LCTL: variants seen among roughly 807,000 people sequenced by gnomAD.
LCTL encodes lactase like.
A neutral mutation model predicts 75.8 loss-of-function variants in LCTL; 76 were observed. The observed-to-expected ratio is 1.00, with a 90% confidence interval of 0.83 to 1.21. The LOEUF (loss-of-function observed/expected upper bound fraction) is 1.21, where lower values mean the gene tolerates loss of function less well. Ranked by LOEUF, LCTL falls within the 50% of genes most tolerant of loss-of-function variation. LCTL has a pLI of 0.00. For synonymous variants in LCTL, 271 were observed against 268.8 expected (o/e 1.01, Z -0.08); for missense variants, 670 against 712.4 (o/e 0.94, Z 0.68).
intron 6 of LCTL, among the ~76,000 whole-genome samples, chr15:66,559,897 G>C (rs1374456110): frequency 6.6e-6 from 1 of 151,996 alleles, no homozygotes; most frequent in Non-Finnish European, 1.5e-5. Flanking sequence ...GACCAGCCTG[G>C]CCAACATGGT....
chr15:66,563,541 G>A (rs761256574), exon 4 of LCTL: 1 of 1,612,322 alleles, frequency 6.2e-7, no homozygotes, highest in Non-Finnish European at 8.5e-7. Flanking sequence ...GTGGTGCAAG[G>A]TCACGATGGG....
chr15:66,565,244 G>C lies in LCTL; in HGVS notation c.118+4C>G. 1 of 1,589,256 alleles carries C rather than the reference G, an allele frequency of 6.3e-7. No individual in the cohort carries two copies. Among genetic ancestry groups the C allele is most frequent in the South Asian group, 1.1e-5 (1 of 90,514 alleles). ...CAGACAGACGAACAGAGGCGTGGCC[G>C]TACCAAGAGGGAAGGTTCCATAGTA... is the stretch of plus-strand genomic sequence containing the variant. On this transcript the variant is annotated splice_donor_region_variant and intron_variant, in intron 1 of 12. Transcript: ENST00000341509.
At chr15:66,557,848 C>G (rs923663593) in exon 8 of LCTL, 1 of 1,613,956 alleles carries the variant, frequency 6.2e-7, no homozygotes. Context: ...TCCACAGGTT[C>G]CCCCCAGTCA....
chr15:66,563,813 G>A (rs1567062705), intron 3 of LCTL, 98 bp downstream of exon 4: 1 of 1,004,934 alleles, frequency 1.0e-6, no homozygotes. Flanking sequence ...CTACGTTCAT[G>A]GGCTGATCTC....
chr15:66,551,430 C>CT (rs1895596292), intron 11 of LCTL, among the ~76,000 whole-genome samples: 1 of 145,920 alleles, frequency 6.9e-6, no homozygotes, highest in Non-Finnish European at 1.5e-5. Flanking sequence ...CCTATCATAA[C>CT]TTAAAGCAAA....
chr15:66,561,076 G>C (rs7179073), exon 6 of LCTL: 12 of 1,614,046 alleles, frequency 7.4e-6, no homozygotes, highest in African/African-American at 2.7e-5. Flanking sequence ...ATGGTGGCCC[G>C]TCTCATAGCC....
intron 9 of LCTL, among the ~76,000 whole-genome samples, chr15:66,552,397 G>A (rs367865887): frequency 4.6e-5 from 7 of 152,102 alleles, no homozygotes; most frequent in African/African-American, 9.7e-5. Context: ...GTTGCCAGGC[G>A]CGGTGGCTCA....
At chr15:66,557,006 T>C (rs1281445682) in intron 8 of LCTL, among the ~76,000 whole-genome samples, 1 of 152,310 alleles carries the variant, frequency 6.6e-6, no homozygotes, top group South Asian at 2.1e-4. Context: ...ATTCCCTTTT[T>C]CTGTCTTTGG....
chr15:66,555,226 A>T (rs1436515934), intron 8 of LCTL, among the ~76,000 whole-genome samples: 1 of 152,224 alleles, frequency 6.6e-6, no homozygotes, highest in Non-Finnish European at 1.5e-5. Context: ...CCTTGCACTG[A>T]TACAATAGCC....
At chr15:66,552,777 A>G (rs1260197845) in intron 9 of LCTL, among the ~76,000 whole-genome samples, 4 of 152,102 alleles carry the variant, frequency 2.6e-5, no homozygotes, top group Admixed American at 6.5e-5. Context: ...AATGTGGGAT[A>G]TGAATTTTTT....
At chr15:66,565,299 G>T in exon 1 of LCTL, 1 of 1,613,694 alleles carries the variant, frequency 6.2e-7, no homozygotes, top group Non-Finnish European at 8.5e-7. Context: ...GACCCCTTCC[G>T]GGCGGCCCCC....
exon 1 of LCTL, chr15:66,565,463 A>G: frequency 1.4e-6 from 1 of 712,956 alleles, no homozygotes; most frequent in Non-Finnish European, 2.4e-6. Flanking sequence ...GCAAAGGCCA[A>G]GTGGGGAGAG....
chr15:66,564,288 T>A, intron 2 of LCTL: 1 of 510,258 alleles, frequency 2.0e-6, no homozygotes, highest in Non-Finnish European at 3.5e-6. Flanking sequence ...GAGAGGAAAG[T>A]GGGTGCTGAG....
intron 6 of LCTL, among the ~76,000 whole-genome samples, chr15:66,559,247 CCTGAATAT>C (rs1246915516): frequency 6.6e-6 from 1 of 152,086 alleles, no homozygotes; most frequent in East Asian, 1.9e-4. Context: ...ATTTAGAAGA[CCTGAATAT>C]CTGAAGGCTA....
chr15:66,565,116 G>C, intron 1 of LCTL, 132 bp downstream of exon 2: 2 of 741,622 alleles, frequency 2.7e-6, no homozygotes, highest in Non-Finnish European at 4.8e-6. Context: ...GGAGCTTTTA[G>C]AACAACCACA....
rs182665274 is a variant in LCTL at position 66,564,737 on chromosome 15, T to A, written c.221A>T (p.Lys74Met). 165 of 1,613,570 alleles carry A rather than the reference T, an allele frequency of 1.0e-4. 2 individuals carry two copies. In the Admixed American group the frequency reaches 1.5e-3, roughly 14 times the overall value. The change falls in exon 2 of 13, where the codon AAG becomes ATG. Residue 74 changes from lysine to methionine, a missense_variant. Physicochemically the swap from Lys to Met is moderately conservative, Grantham distance 95. Transcript: ENST00000341509. ...CGTCTCATTCCCAAGCACTTTCCCC[T>A]TCCCACTGTGTGTGAAGACGTCCCA... is the stretch of plus-strand genomic sequence containing the variant.
chr15:66,563,450 T>C lies in LCTL; in HGVS notation c.480+66A>G, dbSNP rs959005220. 19 of 1,154,494 alleles carry C rather than the reference T, an allele frequency of 1.6e-5. 1 individual carries two copies. In the Admixed American group the frequency reaches 1.9e-4, roughly 11 times the overall value. 71.5% of individuals were successfully genotyped at this position (1,154,494 alleles called of 1,614,324 possible). On this transcript the variant is annotated intron_variant, in intron 4 of 12. Coordinates refer to ENST00000341509, the Ensembl canonical transcript of LCTL. ...TGCTCCACCTTGGCAACCCAAGTCC[T>C]CAAACTGGGCTCCCTCCTGCTTAGT...
At chr15:66,554,398 G>A (rs1025198958) in intron 8 of LCTL, among the ~76,000 whole-genome samples, 6 of 152,016 alleles carry the variant, frequency 3.9e-5, no homozygotes, top group East Asian at 1.9e-4. Context: ...GGCAGAGGTC[G>A]CAGTGAGCCA....
chr15:66,564,559 G>A, intron 2 of LCTL, 117 bp downstream of exon 3: 1 of 1,193,358 alleles, frequency 8.4e-7, no homozygotes, highest in East Asian at 2.6e-5. Context: ...GGCAGAGCAT[G>A]GGGATGACAT....
Sources: gnomAD v4.1 joint callset for allele counts (sites outside exome capture counted in the v4.1 genomes callset) on GRCh38, gnomAD v4.1.1 for gene constraint, MANE v1.5 for transcripts, NCBI Gene and HGNC (gene_info 2026-07-23, HGNC 2026-07-21) for gene names.